The following ANO10 variants were observed in gnomAD, a reference collection of about 807,000 sequenced individuals.
ANO10 encodes the protein anoctamin-10.
Under a neutral mutation model 74.7 loss-of-function variants are expected in ANO10, and 77 were observed. The ratio of observed to expected loss-of-function variants is 1.03; its 90% CI spans 0.86 to 1.25. The LOEUF is 1.25. ANO10 is among the 50% of genes most tolerant of loss of function. ANO10 has a pLI of 0.00. For synonymous variants in ANO10, 279 were observed against 284.9 expected, an observed-to-expected ratio of 0.98 and a Z score of 0.21; for missense variants, 721 against 778.1, an observed-to-expected ratio of 0.93 and a Z score of 0.87.
intron 12 of ANO10, among the ~76,000 whole-genome samples, chr3:43,409,958 TTTA>T (rs1559518164): frequency 6.6e-6 from 1 of 152,178 alleles, no homozygotes; most frequent in Non-Finnish European, 1.5e-5. Context: ...AGACCCAAAC[TTTA>T]AGAAAATTGT....
intron 1 of ANO10, among the ~76,000 whole-genome samples, chr3:43,644,311 T>C (rs1320687947): frequency 6.6e-6 from 1 of 152,198 alleles, no homozygotes; most frequent in African/African-American, 2.4e-5. Context: ...GCCCAGTTTT[T>C]CCTCAGGAAA....
rs373424427 is a variant in ANO10 at position 43,443,679 on chromosome 3, C to CCTTTTTTTTT, written c.1798-10953_1798-10952insAAAAAAAAAG. On this transcript the variant is annotated intron_variant, in intron 11 of 12. Coordinates refer to ENST00000292246, the MANE Select transcript of ANO10 (RefSeq NM_018075.5). ...TGAAAAGTATTTTACTTCCTTCCTTCTTTTTTTTTTTTTTTTTTTTGACGG... is the reference window on the plus strand; with the variant it reads ...TGAAAAGTATTTTACTTCCTTCCTTCCTTTTTTTTTTTTTTTTTTTTTTTTTTTTTGACGG... 1.6e-5 allele frequency among the ~76,000 whole-genome samples: 2 copies of CCTTTTTTTTT among 122,034 alleles called. 1 individual carries two copies. 80.1% of individuals were successfully genotyped at this position (122,034 alleles called of 152,430 possible).
intron 11 of ANO10, among the ~76,000 whole-genome samples, chr3:43,459,612 C>T (rs1387341071): frequency 6.6e-6 from 1 of 152,102 alleles, no homozygotes; most frequent in Non-Finnish European, 1.5e-5. Flanking sequence ...TCAGTGGGAC[C>T]CTCCTGAGGA....
At chr3:43,533,597 G>A (rs921185463) in intron 11 of ANO10, among the ~76,000 whole-genome samples, 1 of 152,210 alleles carries the variant, frequency 6.6e-6, no homozygotes, top group South Asian at 2.1e-4. Flanking sequence ...CCCCAGTCCA[G>A]TACCAGTACT....
At position 43,690,909 on chromosome 3, in the gene ANO10, T is replaced by A. The variant is rs2084357306; in HGVS notation, c.-12+608A>T. ...GCATGCGCTGGCGGCCTGCGCCGCC[T>A]TAAGTGCCGCGCCAGCCCGGGGCGG... On this transcript the variant is annotated intron_variant, in intron 1 of 3. Coordinates refer to the ANO10 transcript ENST00000413397. The A allele has an allele frequency of 5.5e-6, 8 of 1,446,700 alleles. No individual in the cohort carries two copies. In the Admixed American group the frequency reaches 1.7e-4, roughly 31 times the overall value. 89.6% of individuals were successfully genotyped at this position (1,446,700 alleles called of 1,614,324 possible).
At chr3:43,377,484 T>C (rs1396060113) in intron 12 of ANO10, among the ~76,000 whole-genome samples, 1 of 152,160 alleles carries the variant, frequency 6.6e-6, no homozygotes, top group Non-Finnish European at 1.5e-5. Context: ...TGGAAGCCCT[T>C]GGAGCCAAGG....
intron 1 of ANO10, among the ~76,000 whole-genome samples, chr3:43,640,008 A>C (rs1426346168): frequency 6.6e-6 from 1 of 152,090 alleles, no homozygotes; most frequent in Non-Finnish European, 1.5e-5. Context: ...CAGAAGATGT[A>C]TGTTAGGGTG....
chr3:43,613,774 G>T (rs1467849435), intron 1 of ANO10, among the ~76,000 whole-genome samples: 4 of 152,170 alleles, frequency 2.6e-5, no homozygotes, highest in African/African-American at 9.7e-5. Flanking sequence ...CACTTATCAT[G>T]TGCTTACTAT....
chr3:43,534,472 G>A (rs1227134710), intron 11 of ANO10, among the ~76,000 whole-genome samples: 5 of 151,378 alleles, frequency 3.3e-5, no homozygotes, highest in Non-Finnish European at 7.4e-5. Context: ...GAACGTGCGC[G>A]CATGAGAGAG....
At chr3:43,655,521 C>T (rs1176455422) in intron 1 of ANO10, among the ~76,000 whole-genome samples, 1 of 152,074 alleles carries the variant, frequency 6.6e-6, no homozygotes, top group African/African-American at 2.4e-5. Context: ...GCTGGGGCAG[C>T]CTGCTTTTAT....
intron 4 of ANO10, among the ~76,000 whole-genome samples, chr3:43,589,143 G>A (rs2081608029): frequency 6.6e-6 from 1 of 151,564 alleles, no homozygotes; most frequent in African/African-American, 2.4e-5. Context: ...GGTTCACCAT[G>A]GGAATAAATG....
At chr3:43,453,179 CTTT>C (rs36070589) in intron 11 of ANO10, among the ~76,000 whole-genome samples, 75 of 130,472 alleles carry the variant, frequency 5.7e-4, no homozygotes, top group African/African-American at 6.9e-4. Flanking sequence ...TCTTTTCCCC[CTTT>C]TTTTTTTTTT....
chr3:43,508,810 G>A (rs540532586), intron 11 of ANO10, among the ~76,000 whole-genome samples: 33 of 151,836 alleles, frequency 2.2e-4, no homozygotes, highest in Admixed American at 5.2e-4. Context: ...AGGGGGAGGC[G>A]GGAGGGATAG....
chr3:43,408,465 G>A (rs1366314026), intron 12 of ANO10, among the ~76,000 whole-genome samples: 6 of 152,152 alleles, frequency 3.9e-5, no homozygotes, highest in African/African-American at 9.7e-5. Flanking sequence ...CTTAGAGCTT[G>A]CTCTTATATT....
At chr3:43,629,875 A>G (rs539776039) in intron 1 of ANO10, among the ~76,000 whole-genome samples, 5 of 152,330 alleles carry the variant, frequency 3.3e-5, no homozygotes, top group African/African-American at 1.2e-4. Flanking sequence ...AAAGCTAGAG[A>G]TAAGAATTTG....
At chr3:43,553,426 G>GT (rs2079578585) in intron 10 of ANO10, among the ~76,000 whole-genome samples, 1 of 151,832 alleles carries the variant, frequency 6.6e-6, no homozygotes, top group African/African-American at 2.4e-5. Context: ...CTCTCCTTCT[G>GT]TAACTCCAGT....
chr3:43,689,676 A>G (rs2084325665), intron 1 of ANO10, among the ~76,000 whole-genome samples: 1 of 152,218 alleles, frequency 6.6e-6, no homozygotes, highest in Admixed American at 6.5e-5. Context: ...ATGTTTATTT[A>G]AAAGCTGTAA....
chr3:43,398,023 A>T lies in ANO10; in HGVS notation c.1915-31049T>A, dbSNP rs908085973. ...CCTTCATTTACTTTTGATCTTCAAA[A>T]CTGTATGATATTTAAATCCAGGTTT... On this transcript the variant is annotated intron_variant, in intron 12 of 12. Coordinates refer to ENST00000292246, the MANE Select transcript of ANO10 (RefSeq NM_018075.5). Among the ~76,000 whole-genome samples, 10 of 152,270 alleles carry T rather than the reference A, an allele frequency of 6.6e-5. No homozygotes were observed. The East Asian group carries it at 7.7e-4, about 12-fold the overall frequency.
chr3:43,493,684 A>T (rs1477632521), intron 11 of ANO10, among the ~76,000 whole-genome samples: 1 of 152,186 alleles, frequency 6.6e-6, no homozygotes, highest in Non-Finnish European at 1.5e-5. Flanking sequence ...ACAGAAAATG[A>T]TCTAAAATAA....
Sources: gnomAD v4.1 joint callset for allele counts (sites outside exome capture counted in the v4.1 genomes callset) on GRCh38, gnomAD v4.1.1 for gene constraint, MANE v1.5 for transcripts, NCBI Gene and HGNC (gene_info 2026-07-23, HGNC 2026-07-21) for gene names.